The following BRINP1 variants were observed in gnomAD, a reference collection of about 807,000 sequenced individuals.
BRINP1 encodes the protein BMP/retinoic acid inducible neural specific 1.
BRINP1 carries 17 observed loss-of-function variants against 72.9 expected under a neutral mutation model. That is an observed-to-expected ratio of 0.23 (90% CI 0.16 to 0.35). The LOEUF (loss-of-function observed/expected upper bound fraction) is 0.35, where lower values mean the gene tolerates loss of function less well. BRINP1 is among the 10% of genes least tolerant of loss of function. BRINP1 has a pLI of 1.00. For missense variants in BRINP1, 850 were observed against 1,001.6 expected (o/e 0.85, Z 2.04); for synonymous variants, 418 against 378.5 (o/e 1.10, Z -1.21).
chr9:119,282,866 T>C (rs2118964321), intron 2 of BRINP1: 1 of 985,394 alleles, frequency 1.0e-6, no homozygotes, highest in South Asian at 4.7e-5. Context: ...GATTACCTCT[T>C]ACGGTTGCGC....
At chr9:119,323,663 T>C (rs1831212222) in intron 1 of BRINP1, among the ~76,000 whole-genome samples, 1 of 152,196 alleles carries the variant, frequency 6.6e-6, no homozygotes, top group Non-Finnish European at 1.5e-5. Context: ...GCATTAAACA[T>C]CTGCCAAGGC....
At position 119,242,186 on chromosome 9, in the gene BRINP1, T is replaced by A. The variant is rs755524657; in HGVS notation, c.440A>T (p.Lys147Ile). Reference sequence around the variant, plus strand: ...CCCTGACTTCCTGTCGAGGCGACTTTTGTCCATATACATGGTCAAAGCCTC... The same window carrying A: ...CCCTGACTTCCTGTCGAGGCGACTTATGTCCATATACATGGTCAAAGCCTC... The part of the protein sequence containing the change: ...GEEALTMYMD[K>I]SRLDRKSGNA... Residue 147 changes from lysine (K) to isoleucine (I), a missense_variant, in exon 4 of 8, where the codon AAA becomes ATA. By Grantham distance (102) the Lys-to-Ile change is moderately radical. Transcript: ENST00000265922. 1.2e-6 allele frequency: 2 copies of A among 1,614,198 alleles called. No homozygotes were observed. Among genetic ancestry groups the A allele is most frequent in the South Asian group, 2.2e-5 (2 of 91,082 alleles).
At chr9:119,204,337 CA>C (rs1367590415) in intron 7 of BRINP1, among the ~76,000 whole-genome samples, 2 of 152,284 alleles carry the variant, frequency 1.3e-5, no homozygotes, top group African/African-American at 4.8e-5. Context: ...AATAGAGAGC[CA>C]AAATACCCCT....
intron 1 of BRINP1, among the ~76,000 whole-genome samples, chr9:119,320,267 A>G (rs576763799): frequency 1.3e-5 from 2 of 152,262 alleles, no homozygotes; most frequent in African/African-American, 4.8e-5. Context: ...CTGATCGCCC[A>G]TCTCTCACTC....
chr9:119,176,186 C>G (rs1271373574), intron 7 of BRINP1, among the ~76,000 whole-genome samples: 1 of 152,162 alleles, frequency 6.6e-6, no homozygotes, highest in Non-Finnish European at 1.5e-5. Flanking sequence ...GTCAAACAAA[C>G]AATCAGAGTA....
rs1454603625 is a variant in BRINP1 at position 119,368,909 on chromosome 9, T to C, written c.-51+147A>G. 2 of 361,336 alleles carry C rather than the reference T, an allele frequency of 5.5e-6. No individual in the cohort carries two copies. The highest frequency in any genetic ancestry group is 9.9e-6 in the Non-Finnish European group (2 of 202,600). 22.4% of individuals were successfully genotyped at this position (361,336 alleles called of 1,614,324 possible). On this transcript the variant is annotated intron_variant, in intron 1 of 7. Coordinates refer to ENST00000265922, the MANE Select transcript of BRINP1 (RefSeq NM_014618.3). The surrounding 1 kb of genome is among the most constrained non-coding windows in gnomAD (Gnocchi z 4.7). Reference sequence around the variant, plus strand: ...CCCCCTCCCTAGAACTGGAGAAGACTTGGAGGCGGCGGGGCGGCCAGGTGA... The same window carrying C: ...CCCCCTCCCTAGAACTGGAGAAGACCTGGAGGCGGCGGGGCGGCCAGGTGA...
At chr9:119,230,955 C>G (rs1441734042) in intron 5 of BRINP1, among the ~76,000 whole-genome samples, 2 of 151,920 alleles carry the variant, frequency 1.3e-5, no homozygotes, top group African/African-American at 4.8e-5. Context: ...TCATCCTTAC[C>G]TTTTGGAAAT....
At chr9:119,243,716 T>C (rs1036888033) in intron 3 of BRINP1, among the ~76,000 whole-genome samples, 4 of 152,340 alleles carry the variant, frequency 2.6e-5, no homozygotes, top group Middle Eastern at 3.4e-3. Context: ...TTTTTCTCAA[T>C]TGATTTCTCC....
rs766431216 is a variant in BRINP1, at chr9:119,167,730, C to T, written c.1640G>A (p.Arg547His). 23 of 1,614,046 alleles carry T rather than the reference C, an allele frequency of 1.4e-5. No homozygotes were observed. The highest frequency in any genetic ancestry group is 4.5e-5 in the East Asian group (2 of 44,856). Residue 547 changes from arginine to histidine, a missense_variant, in exon 8 of 8, where the codon CGC (arginine) becomes CAC (histidine). Physicochemically the swap from Arg to His is conservative, Grantham distance 29. Coordinates refer to ENST00000265922, the MANE Select transcript of BRINP1 (RefSeq NM_014618.3). This position sits in a 1 kb window ranked among gnomAD's most constrained non-coding sequence, Gnocchi z 4.3. ...FIHMVIGMSM[R>H]ICQMRNSSLD... ...GCTGCTGTTGCGCATCTGGCAGATG[C>T]GCATGGACATGCCGATCACCATGTG...
chr9:119,263,639 G>A (rs1197909529), intron 2 of BRINP1, among the ~76,000 whole-genome samples: 34 of 104,622 alleles, frequency 3.2e-4, no homozygotes, highest in Admixed American at 3.2e-4. Flanking sequence ...ACAGAGTCTC[G>A]CTTTGTCGCC....
chr9:119,244,237 C>T (rs1246868745), intron 3 of BRINP1, among the ~76,000 whole-genome samples: 2 of 152,180 alleles, frequency 1.3e-5, no homozygotes, highest in East Asian at 3.9e-4. Context: ...TTGCAGTTTT[C>T]CTAGAAGCTT....
intron 7 of BRINP1, among the ~76,000 whole-genome samples, chr9:119,169,181 C>A (rs189106728): frequency 6.6e-6 from 1 of 152,348 alleles, no homozygotes; most frequent in African/African-American, 2.4e-5. Context: ...GTGAGCGACG[C>A]AGAAGACAGT....
chr9:119,276,951 A>G (rs943081242), intron 2 of BRINP1, among the ~76,000 whole-genome samples: 1 of 152,148 alleles, frequency 6.6e-6, no homozygotes, highest in Non-Finnish European at 1.5e-5. Context: ...CAGCTCCATC[A>G]TCCCCCAAAT....
intron 3 of BRINP1, among the ~76,000 whole-genome samples, chr9:119,245,194 T>TACAC (rs34730284): frequency 2.4e-5 from 3 of 125,918 alleles, no homozygotes; most frequent in Admixed American, 1.7e-4. Context: ...CAAGCTCACA[T>TACAC]ACACACACAC....
intron 7 of BRINP1, among the ~76,000 whole-genome samples, chr9:119,170,351 C>T (rs230093): frequency 0.07 from 10,551 of 150,308 alleles, 1,130 homozygotes; most frequent in African/African-American, 0.24. Context: ...CCTCAGGAGC[C>T]GATGCGATCA....
In BRINP1 at chr9:119,168,089, G is replaced by T; in HGVS notation, c.1281C>A (p.Pro427=). The T allele has an allele frequency of 6.2e-7, 1 of 1,610,512 alleles. No individual in the cohort carries two copies. The change falls in exon 8 of 8, where the codon CCC becomes CCA. Residue 427 remains proline (P), a synonymous_variant. Transcript: ENST00000265922. ...AGCTGTTGTTCCCGCCTATCACGCAGGGGATGGGGCGCTGGCACAGCGTGG... is the reference window on the plus strand; with the variant it reads ...AGCTGTTGTTCCCGCCTATCACGCATGGGATGGGGCGCTGGCACAGCGTGG... ...GSTTLCQRPI[P]CVIGGNNSCA...
At chr9:119,333,537 A>G (rs1831321192) in intron 1 of BRINP1, among the ~76,000 whole-genome samples, 1 of 151,826 alleles carries the variant, frequency 6.6e-6, no homozygotes, top group African/African-American at 2.4e-5. Context: ...TTTCCCCTCC[A>G]GATTTCATTA....
intron 2 of BRINP1, among the ~76,000 whole-genome samples, chr9:119,276,648 T>A (rs934203814): frequency 1.3e-5 from 2 of 152,188 alleles, no homozygotes; most frequent in East Asian, 3.9e-4. Flanking sequence ...AATGAGTACC[T>A]TCATCCATGC....
chr9:119,206,735 A>G lies in BRINP1; in HGVS notation c.1145+1984T>C, dbSNP rs1829859411. Among the ~76,000 whole-genome samples the G allele has an allele frequency of 2.6e-5, 4 of 152,196 alleles. No homozygotes were observed. The South Asian group carries it at 6.2e-4, about 24-fold the overall frequency. ...ACTCCTGCTCTACAAGACATCTTCC[A>G]CAGCACTGTTCGCTGTGTGCATTTC... On this transcript the variant is annotated intron_variant, in intron 7 of 7. Transcript: ENST00000265922.
Sources: gnomAD v4.1 joint callset for allele counts (sites outside exome capture counted in the v4.1 genomes callset) on GRCh38, gnomAD v4.1.1 for gene constraint, Gnocchi (gnomAD v3.1) non-coding constraint, MANE v1.5 for transcripts, NCBI Gene and HGNC (gene_info 2026-07-23, HGNC 2026-07-21) for gene names.